ALMS1: variants seen among roughly 807,000 people sequenced by gnomAD.
The protein encoded by ALMS1 is centrosome-associated protein ALMS1.
A neutral mutation model predicts 352.2 loss-of-function variants in ALMS1; 271 were observed. That is an observed-to-expected ratio of 0.77 (90% CI 0.70 to 0.85). ALMS1 has a LOEUF of 0.85. Ranked by LOEUF, ALMS1 falls within the 40% of genes least tolerant of loss-of-function variation. ALMS1 has a pLI of 0.00. For synonymous variants in ALMS1, 1,865 were observed against 1,761.2 expected, an observed-to-expected ratio of 1.06 and a Z score of -1.48; for missense variants, 5,445 against 4,870.7, an observed-to-expected ratio of 1.12 and a Z score of -3.51.
intron 10 of ALMS1, among the ~76,000 whole-genome samples, chr2:73,502,211 A>T (rs1673233011): frequency 6.6e-6 from 1 of 152,094 alleles, no homozygotes; most frequent in Non-Finnish European, 1.5e-5. Flanking sequence ...TATACAAGGC[A>T]AAAGTTCCAG....
Position 73,453,006 on chromosome 2 carries a change from A to G in ALMS1, c.6479A>G (p.His2160Arg), listed in dbSNP as rs781245006. 1.2e-6 allele frequency: 2 copies of G among 1,613,078 alleles called. No individual in the cohort carries two copies. The highest frequency in any genetic ancestry group is 1.7e-5 in the Admixed American group (1 of 59,958). ...TATCAAAAGGATTTGCCAGATAGAC[A>G]TCTAACTGAAGATGCTCTAAAGATC... ...IFYQKDLPDR[H>R]LTEDALKISS... The change falls in exon 8 of 23, where the codon CAT becomes CGT. Residue 2160 changes from histidine to arginine, a missense_variant. Transcript: ENST00000613296.
rs1674982899 is a variant in ALMS1 at position 73,573,239 on chromosome 2, G to A, written c.11362G>A (p.Ala3788Thr). 6.2e-7 allele frequency: 1 copy of A among 1,613,530 alleles called. No homozygotes were observed. Among genetic ancestry groups the A allele is most frequent in the African/African-American group, 1.3e-5 (1 of 74,882 alleles). The change falls in exon 16 of 23, where the codon GCC (alanine) becomes ACC (threonine). Residue 3788 changes from alanine (A) to threonine (T), a missense_variant. Physicochemically the swap from Ala to Thr is moderately conservative, Grantham distance 58. Transcript: ENST00000613296. ...RSSSVSTIDT[A>T]RLIQAFGHER... ...TAGCTCTGTTTCCACTATTGACACT[G>A]CCCGGCTGATTCAAGCTTTTGGCCA...
chr2:73,496,999 G>A (rs937513687), intron 10 of ALMS1, among the ~76,000 whole-genome samples: 5 of 151,972 alleles, frequency 3.3e-5, no homozygotes, highest in African/African-American at 1.2e-4. Flanking sequence ...CACAGTATGC[G>A]ACTTGTCTTC....
rs148373173 is a variant in ALMS1, at chr2:73,436,921, G to A, written c.1432+4630G>A. Among the ~76,000 whole-genome samples, 421 of 152,266 alleles carry A rather than the reference G, an allele frequency of 2.8e-3. 3 individuals are homozygous for A. Among genetic ancestry groups the A allele is most frequent in the African/African-American group, 9.3e-3 (386 of 41,544 alleles). The stretch of plus-strand genomic sequence containing the variant: ...CCTATTTTGTTCCCCCTGTGAAGGG[G>A]TCACACTTTCTTTTGCACATCTTAC... On this transcript the variant is annotated intron_variant, in intron 7 of 22. Transcript: ENST00000613296.
Position 73,451,373 on chromosome 2 carries a change from G to A in ALMS1, c.4846G>A (p.Gly1616Ser), listed in dbSNP as rs1558649731. 6.2e-7 allele frequency: 1 copy of A among 1,613,534 alleles called. No individual in the cohort carries two copies. Among genetic ancestry groups the A allele is most frequent in the Admixed American group, 1.7e-5 (1 of 59,936 alleles). Residue 1616 changes from glycine to serine, a missense_variant, in exon 8 of 23, where the codon GGT (glycine) becomes AGT (serine). Transcript: ENST00000613296. ...KKTDIPAGPL[G>S]SSALGEKPIT... is the part of the protein sequence containing the mutation. ...GACTGACATACCAGCAGGACCTTTA[G>A]GTTCCAGTGCACTTGGAGAGAAGCC...
rs761800808 is a variant in ALMS1, at chr2:73,424,485, A to C, written c.820A>C (p.Ser274Arg). ...TEWSSRPSEV[S>R]EALFQATAEV... is the part of the protein sequence containing the mutation. ...ATGGTCTTCTCGACCATCGGAAGTT[A>C]GTGAAGCTTTATTCCAGGCTACTGC... is the stretch of plus-strand genomic sequence containing the variant. Residue 274 changes from serine to arginine, a missense_variant, in exon 5 of 23, where the codon AGT becomes CGT. Coordinates refer to ENST00000613296, the MANE Select transcript of ALMS1 (RefSeq NM_001378454.1). 14 of 1,604,002 alleles carry C rather than the reference A, an allele frequency of 8.7e-6. No homozygotes were observed. The African/African-American group carries it at 1.3e-4, about 15-fold the overall frequency.
chr2:73,499,854 G>C (rs915511921), intron 10 of ALMS1, among the ~76,000 whole-genome samples: 34 of 152,152 alleles, frequency 2.2e-4, no homozygotes, highest in African/African-American at 7.2e-4. Context: ...GTTTAAAAAA[G>C]AATGACTCCC....
At chr2:73,608,375 A>T (rs1364254632) in intron 21 of ALMS1, 100 bp from the exon 22 acceptor site, 1 of 932,014 alleles carries the variant, frequency 1.1e-6, no homozygotes, top group African/African-American at 1.6e-5. Flanking sequence ...GAGCTCCTGG[A>T]GAGTGGGAGG....
At chr2:73,464,411 ACT>A (rs1334341205) in intron 9 of ALMS1, among the ~76,000 whole-genome samples, 11 of 152,122 alleles carry the variant, frequency 7.2e-5, no homozygotes. Context: ...CATGCTAGAA[ACT>A]CTCAATAAAT....
chr2:73,448,257 A>T lies in ALMS1; in HGVS notation c.1730A>T (p.His577Leu). Residue 577 changes from histidine (H) to leucine (L), a missense_variant, in exon 8 of 23, where the codon CAT (histidine) becomes CTT (leucine). His to Leu is a moderately conservative substitution (Grantham distance 99). Transcript: ENST00000613296. ...TPTVLSSSHS[H>L]RGKPSIFYQQ... ...ACAGTACTCTCTAGTTCCCACTCAC[A>T]TAGGGGGAAGCCCAGCATTTTCTAC... 5.0e-6 allele frequency: 8 copies of T among 1,614,012 alleles called. No homozygotes were observed. The highest frequency in any genetic ancestry group is 6.8e-6 in the Non-Finnish European group (8 of 1,179,928).
At chr2:73,438,649 T>TAAG (rs879305716) in intron 7 of ALMS1, among the ~76,000 whole-genome samples, 6,648 of 152,266 alleles carry the variant, frequency 0.044, 360 homozygotes, top group African/African-American at 0.1. Flanking sequence ...TAGTTAAGCT[T>TAAG]TCTGAAGGAG....
chr2:73,388,853 T>TA (rs1268421757), intron 1 of ALMS1, among the ~76,000 whole-genome samples: 3 of 152,112 alleles, frequency 2.0e-5, no homozygotes, highest in African/African-American at 7.2e-5. Flanking sequence ...GCTCAAGTGA[T>TA]ACTCCGCCTT....
chr2:73,556,076 T>C (rs1558692682), intron 13 of ALMS1, among the ~76,000 whole-genome samples: 2 of 152,210 alleles, frequency 1.3e-5, no homozygotes, highest in Non-Finnish European at 2.9e-5. Flanking sequence ...GGGAACACTT[T>C]ACACAAGAAA....
At chr2:73,459,051 T>C (rs899845195) in intron 9 of ALMS1, 1 of 152,238 alleles carries the variant, frequency 6.6e-6, no homozygotes, top group Non-Finnish European at 1.5e-5. Flanking sequence ...CTTCAGTGTT[T>C]GTCATGTTTT....
In ALMS1 at chr2:73,490,583, A is replaced by T. The variant is rs772303610; in HGVS notation, c.8624A>T (p.Asp2875Val). 1.2e-6 allele frequency: 2 copies of T among 1,614,098 alleles called. No homozygotes were observed. The highest frequency in any genetic ancestry group is 1.7e-6 in the Non-Finnish European group (2 of 1,179,986). Reference sequence around the variant, plus strand: ...GAGAAGAATGTAACTATAACTCCAGATCTTCCTTCTTGCATTTTTCTTGAA... The same window carrying T: ...GAGAAGAATGTAACTATAACTCCAGTTCTTCCTTCTTGCATTTTTCTTGAA... ...VKEKNVTITP[D>V]LPSCIFLEQR... The change falls in exon 10 of 23, where the codon GAT (aspartate) becomes GTT (valine). Residue 2875 changes from aspartate (D) to valine (V), a missense_variant. By Grantham distance (152) the Asp-to-Val change is radical (BLOSUM62 -3). Coordinates refer to ENST00000613296, the MANE Select transcript of ALMS1 (RefSeq NM_001378454.1).
At chr2:73,550,648 C>T (rs920182163) in intron 13 of ALMS1, among the ~76,000 whole-genome samples, 34 of 152,060 alleles carry the variant, frequency 2.2e-4, no homozygotes, top group African/African-American at 7.2e-4. Context: ...AAATTATAAA[C>T]TTCATTTTCA....
Position 73,424,467 on chromosome 2 carries a change from TCTC to T in ALMS1, c.803_805del (p.Ser268_Arg269delinsTer), listed in dbSNP as rs758952057. ...TAAGTCTGAAGATACTGAATGGTCT[TCTC>T]GACCATCGGAAGTTAGTGAAGCTTT... On this transcript the variant is annotated stop_gained and inframe_deletion, in exon 5 of 23. Coordinates refer to ENST00000613296, the MANE Select transcript of ALMS1 (RefSeq NM_001378454.1). LOFTEE classifies it high-confidence loss of function. The T allele has an allele frequency of 1.9e-6, 3 of 1,602,380 alleles. No homozygotes were observed. Among genetic ancestry groups the T allele is most frequent in the Non-Finnish European group, 2.6e-6 (3 of 1,175,744 alleles).
At chr2:73,515,801 A>ACACACACC (rs912306494) in intron 10 of ALMS1, among the ~76,000 whole-genome samples, 2 of 151,502 alleles carry the variant, frequency 1.3e-5, no homozygotes, top group African/African-American at 2.4e-5. Context: ...ACACACACAC[A>ACACACACC]CACAAACTCA....
At position 73,449,028 on chromosome 2, in the gene ALMS1, C is replaced by G. The variant is rs1671870643; in HGVS notation, c.2501C>G (p.Ala834Gly). The G allele has an allele frequency of 6.2e-7, 1 of 1,614,000 alleles. No homozygotes were observed. Among genetic ancestry groups the G allele is most frequent in the Non-Finnish European group, 8.5e-7 (1 of 1,179,952 alleles). Residue 834 changes from alanine (A) to glycine (G), a missense_variant, in exon 8 of 23, where the codon GCT becomes GGT. Ala to Gly is a moderately conservative substitution (Grantham distance 60, BLOSUM62 0). Transcript: ENST00000613296. ...ALLDSHLPEE[A>G]LKVSAVSGPA... Reference sequence around the variant, plus strand: ...CTGGACAGCCATCTACCCGAAGAGGCTCTGAAAGTTTCAGCTGTTTCTGGA... The same window carrying G: ...CTGGACAGCCATCTACCCGAAGAGGGTCTGAAAGTTTCAGCTGTTTCTGGA...
Sources: gnomAD v4.1 joint callset for allele counts (sites outside exome capture counted in the v4.1 genomes callset) on GRCh38, gnomAD v4.1.1 for gene constraint, MANE v1.5 for transcripts, NCBI Gene and HGNC (gene_info 2026-07-23, HGNC 2026-07-21) for gene names.